MAX: variants seen among roughly 807,000 people sequenced by gnomAD.
MAX encodes MYC associated transcriptional regulator X.
Under a neutral mutation model 22.3 loss-of-function variants are expected in MAX, and 3 were observed. That is an observed-to-expected ratio of 0.13 (90% confidence interval 0.06 to 0.35). The LOEUF is 0.35. Among genes scored for constraint, MAX ranks in the 10% least tolerant of loss-of-function variants. MAX has a pLI of 1.00. For missense variants in MAX, 119 were observed against 209.4 expected, an observed-to-expected ratio of 0.57 and a Z score of 2.66; for synonymous variants, 72 against 77.7, an observed-to-expected ratio of 0.93 and a Z score of 0.39.
At chr14:65,016,071 C>G (rs2061767398) in intron 3 of MAX, among the ~76,000 whole-genome samples, 1 of 152,206 alleles carries the variant, frequency 6.6e-6, no homozygotes, top group Non-Finnish European at 1.5e-5. Context: ...TGTGGGGAAG[C>G]ACGTGCCAGT....
In MAX at chr14:65,054,590, C is replaced by T; in HGVS notation, c.171+39118G>A. ...GTCCTTACAGGTCGCGTGATTTCTA[C>T]CACACCTGCTACTGCCTGAGCGGCC... is the stretch of plus-strand genomic sequence containing the variant. On this transcript the variant is annotated intron_variant, in intron 3 of 3. Coordinates refer to the MAX transcript ENST00000341653. The surrounding 1 kb of genome is among the most constrained non-coding windows in gnomAD (Gnocchi z 4.4). 1 of 1,613,466 alleles carries T rather than the reference C, an allele frequency of 6.2e-7. No individual in the cohort carries two copies. The highest frequency in any genetic ancestry group is 8.5e-7 in the Non-Finnish European group (1 of 1,179,746).
chr14:65,074,982 G>T (rs2063023387), downstream of MAX: 26 of 799,904 alleles, frequency 3.3e-5, no homozygotes, highest in Non-Finnish European at 4.0e-5. Flanking sequence ...AGCAACTCTG[G>T]CTTATGGCTG....
At chr14:65,086,093 C>T (rs749477585) in intron 3 of MAX, among the ~76,000 whole-genome samples, 56 of 152,298 alleles carry the variant, frequency 3.7e-4, no homozygotes, top group Non-Finnish European at 6.3e-4. Context: ...AAGTTCTCTT[C>T]GCCTGCTGCC....
In MAX at chr14:65,088,425, T is replaced by C. The variant is rs999948148; in HGVS notation, c.171+5283A>G. Among the ~76,000 whole-genome samples, 9 of 152,210 alleles carry C rather than the reference T, an allele frequency of 5.9e-5. No homozygotes were observed. The highest frequency in any genetic ancestry group is 8.8e-5 in the Non-Finnish European group (6 of 68,030). ...CAACTATGGGCAACAATTTAAGATG[T>C]AGAAACTTTAAAAAGATAATTGCCC... On this transcript the variant is annotated intron_variant, in intron 3 of 4. Transcript: ENST00000358664. This position sits in a 1 kb window ranked among gnomAD's most constrained non-coding sequence, Gnocchi z 5.2.
intron 3 of MAX, among the ~76,000 whole-genome samples, chr14:65,040,588 G>A (rs2062328933): frequency 6.7e-6 from 1 of 149,816 alleles, no homozygotes; most frequent in Non-Finnish European, 1.5e-5. Context: ...TTACACATGG[G>A]TGCCACCAGG....
intron 3 of MAX, among the ~76,000 whole-genome samples, chr14:65,024,753 A>G (rs1041371146): frequency 1.3e-5 from 2 of 151,994 alleles, no homozygotes; most frequent in Non-Finnish European, 2.9e-5. Context: ...TGTCTCTATG[A>G]TAAGTTTTTC....
intron 3 of MAX, among the ~76,000 whole-genome samples, chr14:65,083,490 T>C (rs943133863): frequency 2.0e-5 from 3 of 152,172 alleles, no homozygotes; most frequent in African/African-American, 7.2e-5. Context: ...CTGTAAAACT[T>C]CAAGTTGTTT....
At chr14:65,067,089 G>A (rs1007689742) in intron 3 of MAX, among the ~76,000 whole-genome samples, 2 of 150,536 alleles carry the variant, frequency 1.3e-5, no homozygotes, top group Admixed American at 6.6e-5. Context: ...GGGAGGCTAA[G>A]ATGGGGGGTC....
At position 65,078,835 on chromosome 14, in the gene MAX, T is replaced by G. The variant is rs1412237283; in HGVS notation, c.172-799A>C. On this transcript the variant is annotated intron_variant, in intron 3 of 4. Coordinates refer to ENST00000358664, the MANE Select transcript of MAX (RefSeq NM_002382.5). This position sits in a 1 kb window ranked among gnomAD's most constrained non-coding sequence, Gnocchi z 6.4. The stretch of plus-strand genomic sequence containing the variant: ...GTGAGCCACTGCATCCGTGAAGGCC[T>G]TCTTTGTGACATACAAGGTGCCAAG... Among the ~76,000 whole-genome samples the G allele has an allele frequency of 6.7e-6, 1 of 148,374 alleles. No individual in the cohort carries two copies. Among genetic ancestry groups the G allele is most frequent in the Non-Finnish European group, 1.5e-5 (1 of 68,012 alleles).
intron 3 of MAX, among the ~76,000 whole-genome samples, chr14:65,015,002 G>T (rs147667260): frequency 0.015 from 2,332 of 152,084 alleles, 24 homozygotes; most frequent in Middle Eastern, 0.027. Flanking sequence ...CTCCTGGCCT[G>T]TAGGAAGTCC....
intron 3 of MAX, among the ~76,000 whole-genome samples, chr14:65,083,285 A>G (rs1174384118): frequency 6.6e-6 from 1 of 152,194 alleles, no homozygotes; most frequent in East Asian, 1.9e-4. Flanking sequence ...AAGGCCTCAG[A>G]CCCAAAAGAC....
intron 3 of MAX, among the ~76,000 whole-genome samples, chr14:65,040,147 C>T (rs1031518598): frequency 7.9e-5 from 12 of 152,076 alleles, no homozygotes; most frequent in Non-Finnish European, 1.2e-4. Flanking sequence ...CCATGATCTG[C>T]AGTCAACCTA....
chr14:65,039,587 CT>C (rs755917933), intron 3 of MAX, among the ~76,000 whole-genome samples: 2 of 152,122 alleles, frequency 1.3e-5, no homozygotes, highest in Non-Finnish European at 2.9e-5. Context: ...TTTGTTGCCC[CT>C]CTCCCATCCC....
At chr14:65,026,567 ATG>A (rs2061985371) in intron 3 of MAX, among the ~76,000 whole-genome samples, 1 of 152,198 alleles carries the variant, frequency 6.6e-6, no homozygotes, top group Non-Finnish European at 1.5e-5. Flanking sequence ...TCCATTAAAA[ATG>A]TGTTTTTCAG....
chr14:65,050,531 C>T (rs1882250532), intron 3 of MAX, among the ~76,000 whole-genome samples: 1 of 152,130 alleles, frequency 6.6e-6, no homozygotes, highest in Non-Finnish European at 1.5e-5. Flanking sequence ...GCAGAGGTTG[C>T]AGTGAGCTGA....
chr14:65,099,891 C>T (rs529157045), intron 2 of MAX, among the ~76,000 whole-genome samples: 5 of 152,320 alleles, frequency 3.3e-5, no homozygotes, highest in South Asian at 2.1e-4. Flanking sequence ...ACTACATCCC[C>T]GGATTTTATG....
rs2061614593 is a variant in MAX, at chr14:65,007,599, T to C, written c.172-1315A>G. On this transcript the variant is annotated intron_variant, in intron 3 of 3. Transcript: ENST00000341653. The surrounding 1 kb of genome is among the most constrained non-coding windows in gnomAD (Gnocchi z 4.9). ...CCAGAAATGATTTTCTTCTCTAAGG[T>C]TGGGACTGTCTACCTGGAGTGAGGT... Among the ~76,000 whole-genome samples, 1 of 152,166 alleles carries C rather than the reference T, an allele frequency of 6.6e-6. No homozygotes were observed. Among genetic ancestry groups the C allele is most frequent in the Non-Finnish European group, 1.5e-5 (1 of 68,024 alleles).
At position 65,032,544 on chromosome 14, in the gene MAX, G is replaced by C; in HGVS notation, c.172-26260C>G. 1 of 1,579,116 alleles carries C rather than the reference G, an allele frequency of 6.3e-7. No homozygotes were observed. The highest frequency in any genetic ancestry group is 1.4e-5 in the African/African-American group (1 of 73,990). ...TAGGCAAGGCGAGCAGTCCGCCCGC[G>C]GAGTTCACTGAGCCTCATTAGCTCT... On this transcript the variant is annotated intron_variant, in intron 3 of 3. Transcript: ENST00000341653. The surrounding 1 kb of genome is among the most constrained non-coding windows in gnomAD (Gnocchi z 5.0).
chr14:65,013,583 T>C (rs1249060820), intron 3 of MAX, among the ~76,000 whole-genome samples: 1 of 152,236 alleles, frequency 6.6e-6, no homozygotes, highest in Non-Finnish European at 1.5e-5. Context: ...GGAGTCTCGC[T>C]GTATTTCCCA....
Sources: allele counts gnomAD v4.1 joint callset (sites outside exome capture counted in the v4.1 genomes callset), GRCh38; gene constraint gnomAD v4.1.1; non-coding constraint Gnocchi (gnomAD v3.1); transcripts MANE v1.5; gene names NCBI Gene and HGNC (gene_info 2026-07-23, HGNC 2026-07-21).